The following CDH12 variants were observed in gnomAD, a reference collection of about 807,000 sequenced individuals.
The protein encoded by CDH12 is cadherin 12.
In CDH12, 41 loss-of-function variants were observed where a neutral mutation model predicts 74.1. The ratio of observed to expected loss-of-function variants is 0.55; its 90% CI spans 0.43 to 0.72. The LOEUF (loss-of-function observed/expected upper bound fraction) is 0.72, where lower values mean the gene tolerates loss of function less well. Among genes scored for constraint, CDH12 ranks in the 30% least tolerant of loss-of-function variants. The pLI is 0.00. For missense variants in CDH12, 945 were observed against 977.2 expected (o/e 0.97, Z 0.44); for synonymous variants, 399 against 355.0 (o/e 1.12, Z -1.39).
chr5:21,996,378 C>A (rs1736303168), intron 5 of CDH12, among the ~76,000 whole-genome samples: 1 of 152,018 alleles, frequency 6.6e-6, no homozygotes, highest in Admixed American at 6.6e-5. Context: ...AAAAGAAAAC[C>A]AAATGGTCTT....
chr5:22,334,505 T>C (rs1561321603), intron 3 of CDH12, among the ~76,000 whole-genome samples: 1 of 151,970 alleles, frequency 6.6e-6, no homozygotes, highest in Non-Finnish European at 1.5e-5. Context: ...GAAAAAACAA[T>C]CCTAAAACTT....
chr5:22,578,643 G>A (rs1739917002), intron 1 of CDH12, among the ~76,000 whole-genome samples: 1 of 151,986 alleles, frequency 6.6e-6, no homozygotes, highest in Non-Finnish European at 1.5e-5. Flanking sequence ...AATGTTACTG[G>A]ATTCATGTGT....
At chr5:21,854,307 TTGTTAAAGCCCAA>T (rs1168343440) in intron 7 of CDH12, among the ~76,000 whole-genome samples, 3 of 151,696 alleles carry the variant, frequency 2.0e-5, no homozygotes, top group East Asian at 1.9e-4. Context: ...TTACCATGTA[TTGTTAAAGCCCAA>T]AACTAAGTAT....
intron 6 of CDH12, among the ~76,000 whole-genome samples, chr5:21,953,186 C>T (rs1010465443): frequency 6.6e-6 from 1 of 151,984 alleles, no homozygotes; most frequent in African/African-American, 2.4e-5. Flanking sequence ...GTCTTTCCCC[C>T]ACTCTTATCT....
At chr5:22,237,310 A>T (rs756328568) in intron 3 of CDH12, among the ~76,000 whole-genome samples, 3 of 152,170 alleles carry the variant, frequency 2.0e-5, no homozygotes, top group Non-Finnish European at 4.4e-5. Context: ...TGATTTTTCA[A>T]GTAATCTGCC....
intron 2 of CDH12, among the ~76,000 whole-genome samples, chr5:22,448,722 A>G (rs149537665): frequency 3.0e-4 from 46 of 152,148 alleles, no homozygotes; most frequent in Admixed American, 1.1e-3. Flanking sequence ...TTTTTTTGTA[A>G]AAGTAAAAGA....
intron 3 of CDH12, among the ~76,000 whole-genome samples, chr5:22,279,924 T>C (rs1035015783): frequency 6.6e-6 from 1 of 152,288 alleles, no homozygotes; most frequent in South Asian, 2.1e-4. Flanking sequence ...ATGGTATTTC[T>C]AGTTTTAGAT....
intron 3 of CDH12, among the ~76,000 whole-genome samples, chr5:22,279,533 C>G (rs1736785962): frequency 1.3e-5 from 2 of 152,096 alleles, no homozygotes; most frequent in South Asian, 4.2e-4. Flanking sequence ...CCCCTCCCCC[C>G]ACCGCACAAC....
chr5:22,069,782 A>G lies in CDH12; in HGVS notation c.231+8664T>C, dbSNP rs1438244131. Among the ~76,000 whole-genome samples the G allele has an allele frequency of 2.6e-5, 4 of 152,222 alleles. 1 individual carries two copies. In the East Asian group the frequency reaches 7.8e-4, roughly 30 times the overall value. On this transcript the variant is annotated intron_variant, in intron 5 of 14. Transcript: ENST00000382254. The stretch of plus-strand genomic sequence containing the variant: ...ATGCAAGGAAGAGTGTGTCTGTAAT[A>G]TTGGAGATTCCTTAGGGCACCCCTT...
At chr5:22,646,339 A>G (rs268979) in intron 1 of CDH12, among the ~76,000 whole-genome samples, 47,617 of 151,642 alleles carry the variant, frequency 0.31, 7,842 homozygotes, top group African/African-American at 0.41. Context: ...GTCATTTCTT[A>G]TAAGTGCCCT....
At chr5:22,125,162 A>G (rs1178555407) in intron 4 of CDH12, among the ~76,000 whole-genome samples, 1 of 152,028 alleles carries the variant, frequency 6.6e-6, no homozygotes, top group Non-Finnish European at 1.5e-5. Flanking sequence ...TCACATAGGT[A>G]TACATGTACC....
At position 22,746,165 on chromosome 5, in the gene CDH12, T is replaced by G. The variant is rs181768932; in HGVS notation, c.-523+106893A>C. ...GCATAGCAAGAAGACAATTGGTATA[T>G]ATAGAAGTTGTATCTCTGCTGAGTA... On this transcript the variant is annotated intron_variant, in intron 1 of 14. Transcript: ENST00000382254. 2.7e-3 allele frequency among the ~76,000 whole-genome samples: 412 copies of G among 152,290 alleles called. 4 individuals carry two copies. The highest frequency in any genetic ancestry group is 9.6e-3 in the African/African-American group (399 of 41,560).
intron 2 of CDH12, among the ~76,000 whole-genome samples, chr5:22,437,297 TAATC>T (rs1421277767): frequency 5.9e-5 from 9 of 151,842 alleles, no homozygotes; most frequent in African/African-American, 2.2e-4. Context: ...AGTAATATAA[TAATC>T]AATTCACTCA....
chr5:22,529,484 CA>C (rs1737487174), intron 1 of CDH12, among the ~76,000 whole-genome samples: 1 of 152,030 alleles, frequency 6.6e-6, no homozygotes, highest in African/African-American at 2.4e-5. Context: ...TCAAGGCAAT[CA>C]AGCAGTAGGA....
In CDH12 at chr5:21,983,643, G is replaced by A. The variant is rs571780686; in HGVS notation, c.232-8258C>T. 4.6e-5 allele frequency among the ~76,000 whole-genome samples: 7 copies of A among 152,102 alleles called. No homozygotes were observed. The South Asian group carries it at 1.2e-3, about 27-fold the overall frequency. On this transcript the variant is annotated intron_variant, in intron 5 of 14. Coordinates refer to ENST00000382254, the MANE Select transcript of CDH12 (RefSeq NM_004061.5). ...AATTTTTATCAATGATTATTTCCAC[G>A]ATTATTTCCTGTCCTTGGTTTTTTG... is the stretch of plus-strand genomic sequence containing the variant.
intron 4 of CDH12, among the ~76,000 whole-genome samples, chr5:22,147,295 A>G (rs987411185): frequency 1.3e-5 from 2 of 152,132 alleles, no homozygotes; most frequent in Non-Finnish European, 1.5e-5. Context: ...CTTTTCACTC[A>G]GTTTATAATG....
intron 6 of CDH12, among the ~76,000 whole-genome samples, chr5:21,931,825 T>C (rs1041231695): frequency 6.6e-6 from 1 of 152,208 alleles, no homozygotes; most frequent in African/African-American, 2.4e-5. Flanking sequence ...ACAAATTGAT[T>C]GCTCTTTTCC....
chr5:21,910,749 CA>C (rs1753827164), intron 6 of CDH12, among the ~76,000 whole-genome samples: 1 of 151,628 alleles, frequency 6.6e-6, no homozygotes, highest in Non-Finnish European at 1.5e-5. Flanking sequence ...CAGATTCCAC[CA>C]CACCAAGAAA....
At chr5:22,583,697 A>G (rs1031160606) in intron 1 of CDH12, among the ~76,000 whole-genome samples, 1 of 152,190 alleles carries the variant, frequency 6.6e-6, no homozygotes, top group Non-Finnish European at 1.5e-5. Flanking sequence ...AATAAAAGTC[A>G]CAGATCTGGG....
Sources: gnomAD v4.1 joint callset for allele counts (sites outside exome capture counted in the v4.1 genomes callset) on GRCh38, gnomAD v4.1.1 for gene constraint, MANE v1.5 for transcripts, NCBI Gene and HGNC (gene_info 2026-07-23, HGNC 2026-07-21) for gene names.